The following ZC3H12B variants were observed in gnomAD, a reference collection of about 807,000 sequenced individuals.
ZC3H12B encodes the protein probable ribonuclease ZC3H12B.
A neutral mutation model predicts 43.9 loss-of-function variants in ZC3H12B; 7 were observed. That is an observed-to-expected ratio of 0.16 (90% CI 0.09 to 0.30). The LOEUF (loss-of-function observed/expected upper bound fraction) is 0.30, where lower values mean the gene tolerates loss of function less well. ZC3H12B is among the 10% of genes least tolerant of loss of function. The probability of loss-of-function intolerance (pLI) is 1.00; values close to 1 mark genes in which losing one functional copy is unlikely to be tolerated. For missense variants in ZC3H12B, 475 were observed against 670.2 expected (o/e 0.71, Z 3.22); for synonymous variants, 222 against 241.7 (o/e 0.92, Z 0.76).
the ZC3H12B span, among the ~76,000 whole-genome samples, chrX:65,243,457 A>C: frequency 4.5e-5 from 5 of 112,266 alleles, no homozygotes; most frequent in African/African-American, 1.6e-4. Context: ...TCAAGAAGAC[A>C]AAAAAATAAC....
At chrX:65,412,847 T>C (rs1176591856) in intron 3 of ZC3H12B, among the ~76,000 whole-genome samples, 1 of 88,321 alleles carries the variant, frequency 1.1e-5, no homozygotes, top group African/African-American at 1.2e-4. Flanking sequence ...TTTTGTTTTG[T>C]TTTGTTTTTT....
chrX:65,061,670 C>T, the ZC3H12B span, among the ~76,000 whole-genome samples: 1 of 112,160 alleles, frequency 8.9e-6, no homozygotes, highest in Non-Finnish European at 1.9e-5. Flanking sequence ...GTAATCCTTT[C>T]AGTATATACC....
At chrX:65,344,120 C>T in the ZC3H12B span, among the ~76,000 whole-genome samples, 1 of 111,960 alleles carries the variant, frequency 8.9e-6, no homozygotes, top group South Asian at 3.6e-4. Flanking sequence ...ATACTGCTAA[C>T]CAGGGAGTTG....
At chrX:65,116,443 G>A in the ZC3H12B span, among the ~76,000 whole-genome samples, 1 of 111,342 alleles carries the variant, frequency 9.0e-6, no homozygotes, top group Non-Finnish European at 1.9e-5. Context: ...TTGTTTTGGT[G>A]ACTATGGCCT....
chrX:65,384,570 A>T (rs1334721002), intron 2 of ZC3H12B, among the ~76,000 whole-genome samples: 2 of 111,411 alleles, frequency 1.8e-5, no homozygotes, highest in East Asian at 5.6e-4. Flanking sequence ...TTAAAAGTTA[A>T]CCTTTTATGG....
chrX:65,469,291 G>T, intron 3 of ZC3H12B: 1 of 276,635 alleles, frequency 3.6e-6, no homozygotes, highest in Non-Finnish European at 7.0e-6. Flanking sequence ...TGCTCCGAGC[G>T]CATCAAGTAC....
the ZC3H12B span, among the ~76,000 whole-genome samples, chrX:65,248,511 T>C: frequency 1.8e-5 from 2 of 112,015 alleles, no homozygotes; most frequent in African/African-American, 6.5e-5. Context: ...ATTTATTCAG[T>C]GCTTATGATA....
the ZC3H12B span, among the ~76,000 whole-genome samples, chrX:65,333,065 G>T: frequency 3.6e-5 from 4 of 111,541 alleles, no homozygotes; most frequent in Admixed American, 3.8e-4. Flanking sequence ...ATGCCTGTGA[G>T]TTGGGTAAAT....
chrX:65,504,071 T>C (rs2068403019), exon 5 of ZC3H12B: 1 of 112,853 alleles, frequency 8.9e-6, no homozygotes, highest in African/African-American at 3.2e-5. Flanking sequence ...AGTAAATGCA[T>C]ACTTTATTGC....
At position 65,401,857 on chromosome X, in the gene ZC3H12B, GA is replaced by G. The variant is rs889448808; in HGVS notation, n.407+3155del. ...GAGCCAGAAAGGAACCCACTGCATT[GA>G]AGGGAAGGAGCCAGTCTTGGCAGCA... On this transcript the variant is annotated intron_variant and non_coding_transcript_variant, in intron 3 of 5. Transcript: ENST00000617377. Among the ~76,000 whole-genome samples the G allele has an allele frequency of 2.7e-5, 3 of 112,086 alleles. No homozygotes were observed. In the Admixed American group the frequency reaches 2.8e-4, roughly 11 times the overall value.
the ZC3H12B span, among the ~76,000 whole-genome samples, chrX:65,151,968 C>G: frequency 9.0e-6 from 1 of 111,655 alleles, no homozygotes; most frequent in East Asian, 2.8e-4. Context: ...TAAACAGAAC[C>G]AATGACAAAA....
At chrX:65,314,113 G>A in the ZC3H12B span, among the ~76,000 whole-genome samples, 1 of 110,979 alleles carries the variant, frequency 9.0e-6, no homozygotes, top group African/African-American at 3.3e-5. Flanking sequence ...TAGAACTAAT[G>A]CATTCAGAAG....
At chrX:65,099,474 G>A in the ZC3H12B span, among the ~76,000 whole-genome samples, 2 of 111,627 alleles carry the variant, frequency 1.8e-5, no homozygotes, top group Admixed American at 9.5e-5. Flanking sequence ...TCATACAGGA[G>A]AGCTCTGGCT....
At chrX:65,186,127 C>T in the ZC3H12B span, 1 of 111,577 alleles carries the variant, frequency 9.0e-6, no homozygotes, top group South Asian at 3.8e-4. Flanking sequence ...AATTATTACT[C>T]TTTGTGTCTT....
the ZC3H12B span, among the ~76,000 whole-genome samples, chrX:65,098,920 G>A: frequency 1.8e-5 from 2 of 110,918 alleles, no homozygotes; most frequent in African/African-American, 6.6e-5. Flanking sequence ...AAGCCAGGGA[G>A]CTACATGGTC....
the ZC3H12B span, among the ~76,000 whole-genome samples, chrX:65,119,171 C>G: frequency 3.6e-4 from 40 of 111,295 alleles, no homozygotes; most frequent in Admixed American, 1.5e-3. Flanking sequence ...ACCCAGTAAT[C>G]GGATGGCTGG....
chrX:65,179,115 G>A, the ZC3H12B span, among the ~76,000 whole-genome samples: 3 of 111,030 alleles, frequency 2.7e-5, no homozygotes, highest in East Asian at 2.8e-4. Flanking sequence ...AATGGACATC[G>A]ATGAAGCTGG....
chrX:65,381,349 T>G lies in ZC3H12B; in HGVS notation n.295+12351T>G, dbSNP rs867532792. ...GAAACTAAACAACCTGCTCCTGAAT[T>G]ACTACTGGGTACATAACGAAATGAA... On this transcript the variant is annotated intron_variant and non_coding_transcript_variant, in intron 2 of 5. Transcript: ENST00000617377. Among the ~76,000 whole-genome samples the G allele has an allele frequency of 3.5e-4, 39 of 111,418 alleles. 1 individual carries two copies. The highest frequency in any genetic ancestry group is 4.6e-3 in the Middle Eastern group (1 of 217).
the ZC3H12B span, among the ~76,000 whole-genome samples, chrX:65,296,252 A>G: frequency 8.9e-6 from 1 of 111,745 alleles, no homozygotes; most frequent in Non-Finnish European, 1.9e-5. Context: ...GAAGTAACTC[A>G]GGAATGGAAA....
Sources: allele counts gnomAD v4.1 joint callset (sites outside exome capture counted in the v4.1 genomes callset), GRCh38; gene constraint gnomAD v4.1.1; transcripts MANE v1.5; gene names NCBI Gene and HGNC (gene_info 2026-07-23, HGNC 2026-07-21).